The following UBE2U variants were observed in gnomAD, a reference collection of about 807,000 sequenced individuals.
UBE2U encodes the protein ubiquitin-conjugating enzyme E2 U.
Under a neutral mutation model 41.2 loss-of-function variants are expected in UBE2U, and 39 were observed. The observed-to-expected ratio is 0.95, with a 90% CI of 0.73 to 1.24. UBE2U has a LOEUF of 1.24. UBE2U is among the 50% of genes most tolerant of loss of function. UBE2U has a pLI of 0.00. For missense variants in UBE2U, 336 were observed against 363.1 expected, an observed-to-expected ratio of 0.93 and a Z score of 0.61; for synonymous variants, 107 against 117.8, an observed-to-expected ratio of 0.91 and a Z score of 0.60.
intron 6 of UBE2U, among the ~76,000 whole-genome samples, chr1:64,230,799 A>G (rs1644549770): frequency 6.6e-6 from 1 of 152,190 alleles, no homozygotes; most frequent in African/African-American, 2.4e-5. Flanking sequence ...TAGTCCAGGT[A>G]TATATCTTAT....
intron 6 of UBE2U, among the ~76,000 whole-genome samples, chr1:64,224,551 C>T (rs1343801985): frequency 4.6e-5 from 7 of 152,068 alleles, no homozygotes; most frequent in East Asian, 1.9e-4. Flanking sequence ...GATGAAACCC[C>T]GTCTCTACTA....
intron 6 of UBE2U, among the ~76,000 whole-genome samples, chr1:64,227,517 T>TAA (rs1411579756): frequency 1.3e-5 from 2 of 152,222 alleles, no homozygotes; most frequent in African/African-American, 2.4e-5. Flanking sequence ...AAATACCACT[T>TAA]ACGGCCAGGC....
intron 2 of UBE2U, among the ~76,000 whole-genome samples, chr1:64,206,126 T>G (rs188972335): frequency 2.6e-5 from 4 of 152,272 alleles, no homozygotes; most frequent in Middle Eastern, 3.4e-3. Context: ...CCCCCAAATT[T>G]TCATAAATCA....
At chr1:64,233,546 T>G (rs192258175) in intron 7 of UBE2U, among the ~76,000 whole-genome samples, 1 of 152,300 alleles carries the variant, frequency 6.6e-6, no homozygotes, top group East Asian at 1.9e-4. Flanking sequence ...AGAAAAGCTT[T>G]CACACCAGAG....
chr1:64,208,914 A>G (rs1651486587), intron 3 of UBE2U, among the ~76,000 whole-genome samples: 2 of 152,218 alleles, frequency 1.3e-5, no homozygotes, highest in African/African-American at 4.8e-5. Flanking sequence ...GTGAAAAAAT[A>G]CATTGAACAA....
intron 7 of UBE2U, among the ~76,000 whole-genome samples, chr1:64,240,021 T>C (rs899106296): frequency 6.6e-6 from 1 of 152,170 alleles, no homozygotes; most frequent in African/African-American, 2.4e-5. Context: ...CCACATCCTC[T>C]CCAGCACCTG....
chr1:64,215,762 A>G (rs1328834482), intron 5 of UBE2U, among the ~76,000 whole-genome samples: 1 of 152,108 alleles, frequency 6.6e-6, no homozygotes, highest in Non-Finnish European at 1.5e-5. Context: ...TACCCTTGGT[A>G]TCCTGCCAGC....
intron 6 of UBE2U, 68 bp downstream of exon 6, chr1:64,220,975 T>TAAA: frequency 9.6e-7 from 1 of 1,041,444 alleles, no homozygotes; most frequent in Non-Finnish European, 1.4e-6. Context: ...AAACTCTTTA[T>TAAA]GTTTTTCATC....
At chr1:64,244,727 T>C (rs1356048280) in intron 8 of UBE2U, among the ~76,000 whole-genome samples, 1 of 152,132 alleles carries the variant, frequency 6.6e-6, no homozygotes, top group Non-Finnish European at 1.5e-5. Flanking sequence ...CTCCATATTC[T>C]CTGTTCCCAT....
Position 64,267,118 on chromosome 1 carries a change from T to A in UBE2U, c.864T>A (p.Tyr288Ter). ...EEGWKSDTSL[Y>*]ENDTDEPREE... ...GGTGGAAGAGTGACACTTCATTATA[T>A]GAAAATGACACAGATGAGCCCAGGG... The change falls in exon 10 of 10, where the codon TAT becomes TAA. Residue 288 changes from tyrosine (Y) to a stop codon, truncating the protein, a stop_gained. Coordinates refer to ENST00000371077, the MANE Select transcript of UBE2U (RefSeq NM_001366232.2). LOFTEE classifies it low-confidence loss of function (END_TRUNC). 6.4e-7 allele frequency: 1 copy of A among 1,550,426 alleles called. No individual in the cohort carries two copies. The highest frequency in any genetic ancestry group is 8.7e-7 in the Non-Finnish European group (1 of 1,146,914).
intron 8 of UBE2U, among the ~76,000 whole-genome samples, chr1:64,254,994 G>GA (rs1294908659): frequency 6.6e-6 from 1 of 151,200 alleles, no homozygotes; most frequent in African/African-American, 2.4e-5. Flanking sequence ...CTGTGTTTTT[G>GA]AAAAAAAATT....
chr1:64,219,524 C>T (rs1279235814), intron 5 of UBE2U, among the ~76,000 whole-genome samples: 1 of 151,642 alleles, frequency 6.6e-6, no homozygotes, highest in Non-Finnish European at 1.5e-5. Context: ...TCTTCATTTT[C>T]CCTATTGACT....
At position 64,210,769 on chromosome 1, in the gene UBE2U, T is replaced by C. The variant is rs7532933; in HGVS notation, c.269T>C (p.Ile90Thr). Residue 90 changes from isoleucine to threonine, a missense_variant, in exon 4 of 10, where the codon ATA becomes ACA. Transcript: ENST00000371077. ...GACCCACACACTGGTCAGCCCTGTA[T>C]AGACTTTTTGGACAACCCTGAGAAG... ...NVDPHTGQPC[I>T]DFLDNPEKWN... is the part of the protein sequence containing the mutation. 5.0e-3 allele frequency: 7,974 copies of C among 1,604,430 alleles called. 355 individuals are homozygous for C. In the African/African-American group the frequency reaches 0.095, roughly 19 times the overall value.
At chr1:64,241,333 G>T (rs1305947946) in intron 7 of UBE2U, among the ~76,000 whole-genome samples, 2 of 152,154 alleles carry the variant, frequency 1.3e-5, no homozygotes, top group Non-Finnish European at 2.9e-5. Context: ...GTCTGTTAAT[G>T]CCTAAGGTAG....
intron 7 of UBE2U, among the ~76,000 whole-genome samples, chr1:64,233,121 C>T (rs1404578082): frequency 6.6e-6 from 1 of 152,036 alleles, no homozygotes; most frequent in Non-Finnish European, 1.5e-5. Flanking sequence ...CATTCTCCTG[C>T]CTCAGCCTCT....
chr1:64,222,101 A>AAAAAC (rs1553167059), intron 6 of UBE2U, among the ~76,000 whole-genome samples: 4 of 151,490 alleles, frequency 2.6e-5, no homozygotes, highest in Non-Finnish European at 5.9e-5. Context: ...CAAAAAAAAA[A>AAAAAC]AAAAAAAACA....
intron 8 of UBE2U, among the ~76,000 whole-genome samples, chr1:64,255,444 A>C (rs1645075115): frequency 6.6e-6 from 1 of 152,210 alleles, no homozygotes; most frequent in South Asian, 2.1e-4. Flanking sequence ...TCCTGATACC[A>C]AAACCTGGCA....
At chr1:64,239,589 A>G (rs899859456) in intron 7 of UBE2U, among the ~76,000 whole-genome samples, 1 of 139,448 alleles carries the variant, frequency 7.2e-6, no homozygotes, top group Non-Finnish European at 1.5e-5. Context: ...TCATTGTTCA[A>G]TTCCCACCTG....
intron 8 of UBE2U, among the ~76,000 whole-genome samples, chr1:64,245,389 G>A (rs980288512): frequency 6.6e-6 from 1 of 152,182 alleles, no homozygotes; most frequent in Non-Finnish European, 1.5e-5. Context: ...CTATGTTTGT[G>A]CCATACTCTA....
Sources: allele counts gnomAD v4.1 joint callset (sites outside exome capture counted in the v4.1 genomes callset), GRCh38; gene constraint gnomAD v4.1.1; transcripts MANE v1.5; gene names NCBI Gene and HGNC (gene_info 2026-07-23, HGNC 2026-07-21).